Variants in SIGLEC9 observed in about 807,000 individuals in gnomAD.
SIGLEC9 encodes the protein sialic acid-binding Ig-like lectin 9.
In SIGLEC9, 26 loss-of-function variants were observed where a neutral mutation model predicts 38.3. The observed-to-expected ratio is 0.68, with a 90% CI of 0.50 to 0.94. The LOEUF is 0.94. Ranked by LOEUF, SIGLEC9 falls within the 40% of genes least tolerant of loss-of-function variation. SIGLEC9 has a pLI of 0.00. For synonymous variants in SIGLEC9, 236 were observed against 248.0 expected, an observed-to-expected ratio of 0.95 and a Z score of 0.45; for missense variants, 556 against 585.7, an observed-to-expected ratio of 0.95 and a Z score of 0.52.
intron 4 of SIGLEC9, among the ~76,000 whole-genome samples, 155 bp downstream of exon 4, chr19:51,127,451 G>A (rs749778279): frequency 6.6e-6 from 1 of 152,186 alleles, no homozygotes; most frequent in Non-Finnish European, 1.5e-5. Flanking sequence ...CAGCACCACT[G>A]TCCTCTTCCT....
rs370530646 is a variant in SIGLEC9 at position 51,129,991 on chromosome 19, C to T, written c.1304C>T (p.Ser435Phe). The T allele has an allele frequency of 2.0e-5, 33 of 1,613,982 alleles. No individual in the cohort carries two copies. The highest frequency in any genetic ancestry group is 3.3e-4 in the Middle Eastern group (2 of 6,084). Residue 435 changes from serine to phenylalanine, a missense_variant, in exon 7 of 7, where the codon TCC becomes TTC. Transcript: ENST00000250360. Reference sequence around the variant, plus strand: ...GGGGAAGGAGAGCTCCAGTATGCATCCCTCAGCTTCCAGATGGTGAAGCCT... The same window carrying T: ...GGGGAAGGAGAGCTCCAGTATGCATTCCTCAGCTTCCAGATGGTGAAGCCT... Reference protein sequence around the residue: ...SVGEGELQYASLSFQMVKPWD... With the variant: ...SVGEGELQYAFLSFQMVKPWD...
At chr19:51,122,242 C>T (rs1291285621), upstream of SIGLEC9, among the ~76,000 whole-genome samples, 2 of 152,148 alleles carry the variant, frequency 1.3e-5, no homozygotes, top group African/African-American at 4.8e-5. This position sits in a 1 kb window ranked among gnomAD's most constrained non-coding sequence, Gnocchi z 4.1. Context: ...GCCTCCTTCC[C>T]TCCAGGGTCT....
At chr19:51,133,422 A>C (rs2092027440), downstream of SIGLEC9, among the ~76,000 whole-genome samples, 1 of 149,656 alleles carries the variant, frequency 6.7e-6, no homozygotes, top group South Asian at 2.1e-4. Flanking sequence ...AAAATACAAA[A>C]AAAAAAAAAA....
At chr19:51,132,574 G>C (rs1269459258), downstream of SIGLEC9, among the ~76,000 whole-genome samples, 1 of 152,126 alleles carries the variant, frequency 6.6e-6, no homozygotes, top group Non-Finnish European at 1.5e-5. Context: ...GGACATTTTG[G>C]TTTAACAAAC....
chr19:51,125,737 CT>C lies in SIGLEC9; in HGVS notation c.563del (p.Leu188ArgfsTer28), dbSNP rs748021164. On this transcript the variant is annotated frameshift_variant, in exon 2 of 7. Transcript: ENST00000250360. LOFTEE classifies it high-confidence loss of function. ...CTGGATAGGGACCTCCGTGTCCCCC[CT>C]GGACCCCTCCACCACCCGCTCCTCG... ...ISWIGTSVSP[L>X]DPSTTRSSVL... 23 of 1,614,070 alleles carry C rather than the reference CT, an allele frequency of 1.4e-5. No homozygotes were observed. The Admixed American group carries it at 1.5e-4, about 11-fold the overall frequency.
At position 51,130,258 on chromosome 19, in the gene SIGLEC9, C is replaced by A; in HGVS notation, c.*179C>A. 8.4e-7 allele frequency: 1 copy of A among 1,188,408 alleles called. No individual in the cohort carries two copies. Among genetic ancestry groups the A allele is most frequent in the Non-Finnish European group, 1.1e-6 (1 of 919,878 alleles). The allele number at this position is 1,188,408 out of a possible 1,614,324, so 73.6% of individuals were successfully genotyped here. On this transcript the variant is annotated 3_prime_UTR_variant, in exon 7 of 7. Transcript: ENST00000250360. The stretch of plus-strand genomic sequence containing the variant: ...GAGTCAAAGTATCTCAAACCTGAAT[C>A]CACACTGTGCCCTCCCTTTTATTTT...
Position 51,125,796 on chromosome 19 carries a change from T to C in SIGLEC9, c.621T>C (p.His207=), listed in dbSNP as rs760791321. Residue 207 remains histidine, a synonymous_variant, in exon 2 of 7, where the codon CAT becomes CAC. Coordinates refer to ENST00000250360, the MANE Select transcript of SIGLEC9 (RefSeq NM_014441.3). ...VLTLIPQPQD[H]GTSLTCQVTF... ...CCCTCATCCCACAGCCCCAGGACCA[T>C]GGCACCAGCCTCACCTGTCAGGTGA... is the stretch of plus-strand genomic sequence containing the variant. 7 of 1,613,900 alleles carry C rather than the reference T, an allele frequency of 4.3e-6. No homozygotes were observed. The highest frequency in any genetic ancestry group is 5.9e-6 in the Non-Finnish European group (7 of 1,179,970).
intron 6 of SIGLEC9, chr19:51,128,749 C>T: frequency 2.2e-6 from 1 of 458,436 alleles, no homozygotes. Flanking sequence ...CTTTTGTTCC[C>T]TCACCTGTCT....
rs114399859 is a variant in SIGLEC9 at position 51,130,089 on chromosome 19, G to C, written c.*10G>C. 2,801 of 1,604,296 alleles carry C rather than the reference G, an allele frequency of 1.7e-3. 38 individuals carry two copies. In the African/African-American group the frequency reaches 0.031, roughly 18 times the overall value. ...CAAGATCCACAGATGAGAAACTGCAGAGACTCACCCTGATTGAGGGATCAC... is the reference window on the plus strand; with the variant it reads ...CAAGATCCACAGATGAGAAACTGCACAGACTCACCCTGATTGAGGGATCAC... On this transcript the variant is annotated 3_prime_UTR_variant, in exon 7 of 7. Transcript: ENST00000250360.
upstream of SIGLEC9, among the ~76,000 whole-genome samples, chr19:51,124,337 G>A (rs1253018510): frequency 1.3e-5 from 2 of 152,026 alleles, no homozygotes; most frequent in African/African-American, 2.4e-5. Flanking sequence ...CTGACCTACG[G>A]GAGAGTGACC....
chr19:51,130,206 T>G lies in SIGLEC9; in HGVS notation c.*127T>G. ...AGCTATGATAACACTATGAATTATGTGCAGAGTGAAAAGCACACAGGCTTT... is the reference window on the plus strand; with the variant it reads ...AGCTATGATAACACTATGAATTATGGGCAGAGTGAAAAGCACACAGGCTTT... On this transcript the variant is annotated 3_prime_UTR_variant, in exon 7 of 7. Coordinates refer to ENST00000250360, the MANE Select transcript of SIGLEC9 (RefSeq NM_014441.3). 1 of 1,408,148 alleles carries G rather than the reference T, an allele frequency of 7.1e-7. No homozygotes were observed. The highest frequency in any genetic ancestry group is 9.2e-7 in the Non-Finnish European group (1 of 1,082,358). 87.2% of individuals were successfully genotyped at this position (1,408,148 alleles called of 1,614,324 possible).
At chr19:51,122,762 T>C (rs1444711266), upstream of SIGLEC9, 2 of 152,398 alleles carry the variant, frequency 1.3e-5, no homozygotes, top group African/African-American at 4.8e-5. This position sits in a 1 kb window ranked among gnomAD's most constrained non-coding sequence, Gnocchi z 4.1. Context: ...AGAGTCCCTG[T>C]GGTCTGTGTG....
chr19:51,126,327 C>T (rs545015196), intron 3 of SIGLEC9, among the ~76,000 whole-genome samples, 199 bp downstream of exon 3: 1 of 151,902 alleles, frequency 6.6e-6, no homozygotes, highest in South Asian at 2.1e-4. Flanking sequence ...CCCACACACC[C>T]CCCCCTCAGC....
downstream of SIGLEC9, among the ~76,000 whole-genome samples, chr19:51,134,147 C>CTTTCTTTTTT (rs2092030988): frequency 1.5e-5 from 1 of 66,506 alleles, no homozygotes; most frequent in African/African-American, 5.7e-5. Context: ...TCTTTCTTTT[C>CTTTCTTTTTT]TTTTTTTTTT....
chr19:51,127,978 G>T lies in SIGLEC9; in HGVS notation c.1045G>T (p.Val349Leu). The change falls in exon 5 of 7, where the codon GTG (valine) becomes TTG (leucine). Residue 349 changes from valine (V) to leucine (L), a missense_variant. Coordinates refer to ENST00000250360, the MANE Select transcript of SIGLEC9 (RefSeq NM_014441.3). ...AGCCACATCAGGAGTGACTCAGGGGGTGGTCGGGGGAGCTGGAGCCACAGC... is the reference window on the plus strand; with the variant it reads ...AGCCACATCAGGAGTGACTCAGGGGTTGGTCGGGGGAGCTGGAGCCACAGC... Reference protein sequence around the residue: ...SKATSGVTQGVVGGAGATALV... With the variant: ...SKATSGVTQGLVGGAGATALV... 1 of 1,613,904 alleles carries T rather than the reference G, an allele frequency of 6.2e-7. No homozygotes were observed. The highest frequency in any genetic ancestry group is 8.5e-7 in the Non-Finnish European group (1 of 1,179,810).
rs114872413 is a variant in SIGLEC9 at position 51,129,831 on chromosome 19, G to C, written c.1204-60G>C. 669 of 1,267,382 alleles carry C rather than the reference G, an allele frequency of 5.3e-4. 5 individuals are homozygous for C. In the African/African-American group the frequency reaches 8.8e-3, roughly 17 times the overall value. The allele number at this position is 1,267,382 out of a possible 1,614,324, so 78.5% of individuals were successfully genotyped here. On this transcript the variant is annotated intron_variant, in intron 6 of 6. Transcript: ENST00000250360. The stretch of plus-strand genomic sequence containing the variant: ...CCTGAAGAGCTGGGATTACAGATGT[G>C]AGCCACCGCGCCCCATCCTCACTGT...
intron 4 of SIGLEC9, among the ~76,000 whole-genome samples, chr19:51,127,681 T>A (rs922963820): frequency 6.6e-6 from 1 of 151,996 alleles, no homozygotes; most frequent in African/African-American, 2.4e-5. Context: ...AATAATCTTT[T>A]AAAAAAAGTA....
At position 51,125,221 on chromosome 19, in the gene SIGLEC9, G is replaced by A; in HGVS notation, c.247G>A (p.Val83Met). The A allele has an allele frequency of 6.2e-7, 1 of 1,614,162 alleles. No individual in the cohort carries two copies. Among genetic ancestry groups the A allele is most frequent in the South Asian group, 1.1e-5 (1 of 91,080 alleles). The change falls in exon 1 of 7, where the codon GTG (valine) becomes ATG (methionine). Residue 83 changes from valine to methionine, a missense_variant. Coordinates refer to ENST00000250360, the MANE Select transcript of SIGLEC9 (RefSeq NM_014441.3). ...PVATNNPARA[V>M]WEETRDRFHL... Reference sequence around the variant, plus strand: ...GGCCACAAACAACCCAGCTCGGGCAGTGTGGGAGGAGACTCGGGACCGATT... The same window carrying A: ...GGCCACAAACAACCCAGCTCGGGCAATGTGGGAGGAGACTCGGGACCGATT...
chr19:51,133,502 G>A (rs1289307969), downstream of SIGLEC9, among the ~76,000 whole-genome samples: 2 of 151,988 alleles, frequency 1.3e-5, no homozygotes, highest in African/African-American at 2.4e-5. Flanking sequence ...AGAATTGCTT[G>A]AACCCAGGAG....
Sources: gnomAD v4.1 joint callset for allele counts (sites outside exome capture counted in the v4.1 genomes callset) on GRCh38, gnomAD v4.1.1 for gene constraint, Gnocchi (gnomAD v3.1) non-coding constraint, MANE v1.5 for transcripts, NCBI Gene and HGNC (gene_info 2026-07-23, HGNC 2026-07-21) for gene names.